The following IQSEC1 variants were observed in gnomAD, a reference collection of about 807,000 sequenced individuals.
The protein encoded by IQSEC1 is IQ motif and SEC7 domain-containing protein 1.
Under a neutral mutation model 91.0 loss-of-function variants are expected in IQSEC1, and 31 were observed. The observed-to-expected ratio is 0.34, with a 90% CI of 0.26 to 0.46. The LOEUF (loss-of-function observed/expected upper bound fraction) is 0.46. Among genes scored for constraint, IQSEC1 ranks in the 20% least tolerant of loss-of-function variants. The pLI, the probability that IQSEC1 is intolerant of heterozygous loss-of-function variation, is 1.00. For synonymous variants in IQSEC1, 699 were observed against 662.6 expected (o/e 1.05, Z -0.84); for missense variants, 1,388 against 1,575.6 (o/e 0.88, Z 2.02).
At chr3:13,144,562 T>C (rs1362431245) in intron 2 of IQSEC1, among the ~76,000 whole-genome samples, 1 of 152,088 alleles carries the variant, frequency 6.6e-6, no homozygotes, top group African/African-American at 2.4e-5. Flanking sequence ...CCTGGGGACA[T>C]CTCCTTCCTC....
chr3:12,925,108 G>GC (rs1408538566), intron 3 of IQSEC1, among the ~76,000 whole-genome samples: 1 of 152,130 alleles, frequency 6.6e-6, no homozygotes, highest in Admixed American at 6.5e-5. Flanking sequence ...CCCCTGCCCT[G>GC]CCTGCAGCCC....
At chr3:13,018,020 C>A (rs371740790) in intron 1 of IQSEC1, among the ~76,000 whole-genome samples, 60 of 152,304 alleles carry the variant, frequency 3.9e-4, no homozygotes, top group African/African-American at 1.4e-3. Flanking sequence ...TCTCTGCAGG[C>A]TGTCCAGAGC....
chr3:13,072,893 A>T, intron 1 of IQSEC1, 99 bp downstream of exon 1: 1 of 1,098,168 alleles, frequency 9.1e-7, no homozygotes, highest in Non-Finnish European at 1.4e-6. Flanking sequence ...CTGCACATCC[A>T]CCTGCCCCTC....
At chr3:13,266,192 C>G (rs1459115909) in intron 1 of IQSEC1, among the ~76,000 whole-genome samples, 1 of 152,158 alleles carries the variant, frequency 6.6e-6, no homozygotes, top group Non-Finnish European at 1.5e-5. Context: ...GTATCCAAAC[C>G]CAGACTGCAT....
In IQSEC1 at chr3:12,900,156, T is replaced by TAATAAAATAAGGATTTATACAAAGC; in HGVS notation, c.*802_*826dup. On this transcript the variant is annotated 3_prime_UTR_variant, in exon 14 of 14. Coordinates refer to ENST00000613206, the MANE Select transcript of IQSEC1 (RefSeq NM_001134382.3). ...AATACTATTTATGATAGTATTCTGT[T>TAATAAAATAAGGATTTATACAAAGC]AATAAAATAAGGATTTATACAAAGC... 2 of 971,678 alleles carry TAATAAAATAAGGATTTATACAAAGC rather than the reference T, an allele frequency of 2.1e-6. No individual in the cohort carries two copies. The highest frequency in any genetic ancestry group is 2.4e-6 in the Non-Finnish European group (2 of 817,474). 60.2% of individuals were successfully genotyped at this position (971,678 alleles called of 1,614,324 possible). A position where few individuals can be genotyped will look rare whatever the true frequency, so the allele number is the denominator to read the frequency against.
intron 12 of IQSEC1, among the ~76,000 whole-genome samples, chr3:12,905,115 C>A (rs974668846): frequency 6.6e-6 from 1 of 152,250 alleles, no homozygotes; most frequent in Non-Finnish European, 1.5e-5. Context: ...CCCATGCGTA[C>A]GCAGCCTCCC....
At chr3:13,138,263 G>A (rs1033466968) in intron 2 of IQSEC1, among the ~76,000 whole-genome samples, 2 of 152,074 alleles carry the variant, frequency 1.3e-5, no homozygotes, top group African/African-American at 2.4e-5. Context: ...GACGAGACAA[G>A]GCACTCTAAA....
chr3:12,902,756 A>G lies in IQSEC1; in HGVS notation c.2805+17T>C. The G allele has an allele frequency of 6.3e-7, 1 of 1,590,654 alleles. No homozygotes were observed. Among genetic ancestry groups the G allele is most frequent in the Non-Finnish European group, 8.6e-7 (1 of 1,161,808 alleles). The stretch of plus-strand genomic sequence containing the variant: ...CGACACAGGACAGCCAGCTGGACAG[A>G]GGCGCTTCCTACTTACTTCCACATT... On this transcript the variant is annotated intron_variant, in intron 13 of 13. Transcript: ENST00000613206.
chr3:12,974,779 C>T (rs566433551), intron 1 of IQSEC1, among the ~76,000 whole-genome samples: 2 of 152,312 alleles, frequency 1.3e-5, no homozygotes, highest in African/African-American at 4.8e-5. Context: ...ATACTCATCC[C>T]ACCTTCCCTG....
At chr3:12,915,359 C>G (rs1458131155) in intron 7 of IQSEC1, among the ~76,000 whole-genome samples, 1 of 152,238 alleles carries the variant, frequency 6.6e-6, no homozygotes, top group African/African-American at 2.4e-5. Flanking sequence ...CTGCACAACC[C>G]TGGCCTGCTA....
chr3:13,062,997 GGGATATAAAGGGGGAC>G (rs1429331096), intron 1 of IQSEC1, among the ~76,000 whole-genome samples: 1 of 152,242 alleles, frequency 6.6e-6, no homozygotes, highest in Non-Finnish European at 1.5e-5. Context: ...GTCACGCCAT[GGGATATAAAGGGGGAC>G]GGGCATCTCT....
intron 1 of IQSEC1, among the ~76,000 whole-genome samples, chr3:12,971,999 G>A (rs1352717839): frequency 6.7e-6 from 1 of 148,858 alleles, no homozygotes; most frequent in Non-Finnish European, 1.5e-5. Flanking sequence ...TGGCAACAGG[G>A]TGAGACTCCA....
At chr3:13,040,840 C>T (rs1236646350) in intron 1 of IQSEC1, among the ~76,000 whole-genome samples, 1 of 152,194 alleles carries the variant, frequency 6.6e-6, no homozygotes, top group Non-Finnish European at 1.5e-5. Flanking sequence ...TCCATGAAGC[C>T]CCCGCACCCA....
chr3:13,232,493 G>A (rs972236870), intron 1 of IQSEC1, among the ~76,000 whole-genome samples: 4 of 152,188 alleles, frequency 2.6e-5, no homozygotes, highest in Admixed American at 1.3e-4. Flanking sequence ...AGGCAGGGAG[G>A]TGGCAGGGAG....
At chr3:13,002,738 T>A (rs970638706) in intron 1 of IQSEC1, among the ~76,000 whole-genome samples, 1 of 152,206 alleles carries the variant, frequency 6.6e-6, no homozygotes, top group African/African-American at 2.4e-5. Flanking sequence ...CATGAAAAGA[T>A]GTTCCACATC....
intron 1 of IQSEC1, among the ~76,000 whole-genome samples, chr3:13,255,633 T>TAG (rs557996964): frequency 4.6e-5 from 7 of 151,892 alleles, no homozygotes; most frequent in Non-Finnish European, 8.8e-5. Context: ...TTTTTGTTCT[T>TAG]AGAGACAGGG....
At chr3:13,048,924 C>G (rs1284857414) in intron 1 of IQSEC1, among the ~76,000 whole-genome samples, 5 of 152,186 alleles carry the variant, frequency 3.3e-5, no homozygotes, top group Non-Finnish European at 5.9e-5. Context: ...ACTCTGTTGG[C>G]TCAGCAGCTC....
chr3:13,119,991 C>T (rs998124219), intron 2 of IQSEC1, among the ~76,000 whole-genome samples: 2 of 152,156 alleles, frequency 1.3e-5, no homozygotes, highest in African/African-American at 4.8e-5. Flanking sequence ...GCCACAGGGA[C>T]CCAGAGAGAG....
intron 2 of IQSEC1, among the ~76,000 whole-genome samples, chr3:13,082,213 C>G (rs1039718576): frequency 6.6e-6 from 1 of 152,300 alleles, no homozygotes; most frequent in East Asian, 1.9e-4. Context: ...ACGTGTCGGT[C>G]GGTTGTGACA....
Sources: allele counts gnomAD v4.1 joint callset (sites outside exome capture counted in the v4.1 genomes callset), GRCh38; gene constraint gnomAD v4.1.1; transcripts MANE v1.5; gene names NCBI Gene and HGNC (gene_info 2026-07-23, HGNC 2026-07-21).